The following ADARB2 variants were observed in gnomAD, a reference collection of about 807,000 sequenced individuals.
ADARB2 encodes inactive double-stranded RNA-specific editase B2.
A neutral mutation model predicts 62.2 loss-of-function variants in ADARB2; 25 were observed. The observed-to-expected ratio is 0.40, with a 90% CI of 0.29 to 0.56. The LOEUF is 0.56. Among genes scored for constraint, ADARB2 ranks in the 20% least tolerant of loss-of-function variants. ADARB2 has a pLI of 0.43. For synonymous variants in ADARB2, 572 were observed against 500.8 expected, an observed-to-expected ratio of 1.14 and a Z score of -1.90; for missense variants, 1,071 against 1,077.4, an observed-to-expected ratio of 0.99 and a Z score of 0.08.
intron 1 of ADARB2, among the ~76,000 whole-genome samples, chr10:1,456,444 G>C (rs74433494): frequency 0.017 from 2,573 of 152,204 alleles, 38 homozygotes; most frequent in Non-Finnish European, 0.025. Context: ...CTCCATACAA[G>C]CCAGTTCTTG....
At chr10:1,732,029 AAC>A (rs1246165840) in intron 1 of ADARB2, among the ~76,000 whole-genome samples, 2 of 152,312 alleles carry the variant, frequency 1.3e-5, no homozygotes, top group African/African-American at 4.8e-5. Flanking sequence ...AATGATGAGA[AAC>A]AGAGTATTAC....
intron 1 of ADARB2, among the ~76,000 whole-genome samples, chr10:1,386,083 A>G (rs983572560): frequency 1.3e-5 from 2 of 152,050 alleles, no homozygotes; most frequent in Non-Finnish European, 2.9e-5. Context: ...ATTCTGTTGC[A>G]AGTTTCTTCC....
chr10:1,569,800 A>G (rs1233299801), intron 1 of ADARB2, among the ~76,000 whole-genome samples: 2 of 152,130 alleles, frequency 1.3e-5, no homozygotes, highest in Non-Finnish European at 2.9e-5. Context: ...AAATACTATG[A>G]TATTATGCTC....
chr10:1,649,725 G>A (rs1037107380), intron 1 of ADARB2, among the ~76,000 whole-genome samples: 3 of 152,342 alleles, frequency 2.0e-5, no homozygotes, highest in Non-Finnish European at 4.4e-5. Flanking sequence ...GCCACAAGAT[G>A]CAGTGCTGGA....
intron 1 of ADARB2, among the ~76,000 whole-genome samples, chr10:1,671,766 C>A (rs896138695): frequency 2.0e-5 from 3 of 152,106 alleles, no homozygotes; most frequent in Non-Finnish European, 4.4e-5. Flanking sequence ...CCATACGCTG[C>A]GTCAAATTGA....
chr10:1,375,475 C>T (rs1832414031), intron 2 of ADARB2, among the ~76,000 whole-genome samples: 1 of 152,216 alleles, frequency 6.6e-6, no homozygotes, highest in African/African-American at 2.4e-5. Context: ...CCGCTCTGCA[C>T]CCTTAGATGA....
At chr10:1,320,390 A>G (rs1414870688) in intron 3 of ADARB2, among the ~76,000 whole-genome samples, 1 of 152,010 alleles carries the variant, frequency 6.6e-6, no homozygotes, top group East Asian at 1.9e-4. Flanking sequence ...GCATCTTTCA[A>G]ATCACACCAT....
chr10:1,651,715 C>A (rs747868998), intron 1 of ADARB2, among the ~76,000 whole-genome samples: 1 of 152,016 alleles, frequency 6.6e-6, no homozygotes, highest in Non-Finnish European at 1.5e-5. Context: ...CGAAGCGGGG[C>A]CTTACTGCCT....
chr10:1,374,624 C>A (rs145640514), intron 2 of ADARB2, among the ~76,000 whole-genome samples: 1 of 152,182 alleles, frequency 6.6e-6, no homozygotes, highest in Non-Finnish European at 1.5e-5. Context: ...CTCTGCCCGC[C>A]GTATGCAGCG....
rs144753603 is a variant in ADARB2, at chr10:1,428,786, C to T, written c.101-49626G>A. The stretch of plus-strand genomic sequence containing the variant: ...TGATGGTGGACGTACAAGCCTCCAC[C>T]TGTGATAAAATTACACAGATTTAAA... On this transcript the variant is annotated intron_variant, in intron 1 of 9. Transcript: ENST00000381312. Among the ~76,000 whole-genome samples the T allele has an allele frequency of 4.5e-4, 69 of 151,934 alleles. No homozygotes were observed. The East Asian group carries it at 0.012, about 27-fold the overall frequency.
chr10:1,446,249 T>C (rs10751801), intron 1 of ADARB2, among the ~76,000 whole-genome samples: 104,009 of 152,134 alleles, frequency 0.68, 36,907 homozygotes, highest in Middle Eastern at 0.79. Flanking sequence ...TTATTATTTT[T>C]ATGACTACGA....
chr10:1,727,746 C>T (rs1305646546), intron 1 of ADARB2, among the ~76,000 whole-genome samples: 1 of 152,068 alleles, frequency 6.6e-6, no homozygotes, highest in Non-Finnish European at 1.5e-5. Context: ...GTTCGGATTT[C>T]ATGTGTGTGC....
At chr10:1,268,409 T>A (rs1453051488) in intron 4 of ADARB2, among the ~76,000 whole-genome samples, 1 of 152,202 alleles carries the variant, frequency 6.6e-6, no homozygotes, top group Non-Finnish European at 1.5e-5. Context: ...TCATAATGGC[T>A]AAGAAATGGT....
rs143605216 is a variant in ADARB2 at position 1,199,518 on chromosome 10, C to T, written c.1864+448G>A. The stretch of plus-strand genomic sequence containing the variant: ...CAGCCTCTGGAGGGTGTGGAGGGCC[C>T]GGGGCCCTGGGTTCCGAAGACCCGC... On this transcript the variant is annotated intron_variant, in intron 8 of 9. Transcript: ENST00000381312. 2.5e-3 allele frequency: 397 copies of T among 158,464 alleles called. 2 individuals are homozygous for T. Among genetic ancestry groups the T allele is most frequent in the Non-Finnish European group, 2.4e-3 (173 of 72,560 alleles). The allele number at this position is 158,464 out of a possible 1,614,324, so 9.8% of individuals were successfully genotyped here.
At chr10:1,357,933 G>A (rs1447367381) in intron 3 of ADARB2, among the ~76,000 whole-genome samples, 1 of 152,206 alleles carries the variant, frequency 6.6e-6, no homozygotes, top group East Asian at 1.9e-4. Context: ...GGACAAGCAG[G>A]TTTTTCCTAC....
chr10:1,305,957 G>A (rs1433371084), intron 3 of ADARB2, among the ~76,000 whole-genome samples: 3 of 152,066 alleles, frequency 2.0e-5, no homozygotes, highest in Non-Finnish European at 4.4e-5. Flanking sequence ...TACTGAATGG[G>A]CAAAAACTGG....
intron 1 of ADARB2, among the ~76,000 whole-genome samples, chr10:1,383,297 A>G (rs1404127675): frequency 6.6e-6 from 1 of 152,212 alleles, no homozygotes; most frequent in East Asian, 1.9e-4. Flanking sequence ...GCTGAGGGAA[A>G]GAGATACTCA....
chr10:1,374,120 A>G (rs1197467239), intron 2 of ADARB2, among the ~76,000 whole-genome samples: 1 of 152,154 alleles, frequency 6.6e-6, no homozygotes, highest in African/African-American at 2.4e-5. Flanking sequence ...TCTTAGAATG[A>G]GGCATCTGTG....
At chr10:1,518,638 CAT>C (rs1832036068) in intron 1 of ADARB2, among the ~76,000 whole-genome samples, 1 of 151,068 alleles carries the variant, frequency 6.6e-6, no homozygotes, top group African/African-American at 2.4e-5. Context: ...TTCCGTGTAA[CAT>C]GTGCATGTGG....
Sources: gnomAD v4.1 joint callset for allele counts (sites outside exome capture counted in the v4.1 genomes callset) on GRCh38, gnomAD v4.1.1 for gene constraint, MANE v1.5 for transcripts, NCBI Gene and HGNC (gene_info 2026-07-23, HGNC 2026-07-21) for gene names.